TTLL11: variants seen among roughly 807,000 people sequenced by gnomAD.
TTLL11 encodes the protein tubulin tyrosine ligase like 11.
A neutral mutation model predicts 51.7 loss-of-function variants in TTLL11; 42 were observed. The ratio of observed to expected loss-of-function variants is 0.81; its 90% CI spans 0.64 to 1.05. TTLL11 has a LOEUF of 1.05. TTLL11 is among the 50% of genes least tolerant of loss of function. TTLL11 has a pLI of 0.00. For missense variants in TTLL11, 799 were observed against 940.4 expected, an observed-to-expected ratio of 0.85 and a Z score of 1.97; for synonymous variants, 381 against 383.5, an observed-to-expected ratio of 0.99 and a Z score of 0.08.
At chr9:121,932,694 T>G (rs1226051313) in intron 6 of TTLL11, among the ~76,000 whole-genome samples, 1 of 152,000 alleles carries the variant, frequency 6.6e-6, no homozygotes, top group Non-Finnish European at 1.5e-5. Flanking sequence ...ATAACCCACT[T>G]TTTTTTCAAA....
At chr9:121,928,306 A>T (rs1840821666) in intron 6 of TTLL11, among the ~76,000 whole-genome samples, 1 of 152,198 alleles carries the variant, frequency 6.6e-6, no homozygotes, top group African/African-American at 2.4e-5. Flanking sequence ...AACTGCACCT[A>T]TTTAGTGTAT....
intron 1 of TTLL11, among the ~76,000 whole-genome samples, chr9:122,081,315 A>C (rs948710342): frequency 6.6e-6 from 1 of 152,216 alleles, no homozygotes; most frequent in Non-Finnish European, 1.5e-5. Context: ...AACACCTCTG[A>C]AGAGTGGAAG....
intron 6 of TTLL11, among the ~76,000 whole-genome samples, chr9:121,900,662 C>G (rs533933964): frequency 4.7e-4 from 72 of 152,254 alleles, no homozygotes; most frequent in African/African-American, 1.7e-3. Context: ...TAAAATTCTT[C>G]CATTGTGTTT....
intron 8 of TTLL11, among the ~76,000 whole-genome samples, chr9:121,856,749 G>T (rs980329460): frequency 1.3e-5 from 2 of 152,122 alleles, no homozygotes; most frequent in Admixed American, 1.3e-4. Flanking sequence ...TGTGGGATGG[G>T]GAAAGCCGTC....
At chr9:121,934,732 C>T (rs1435848929) in intron 6 of TTLL11, among the ~76,000 whole-genome samples, 4 of 152,110 alleles carry the variant, frequency 2.6e-5, no homozygotes, top group African/African-American at 9.7e-5. Context: ...TACTGCGCTT[C>T]GGTGGGCAGC....
At position 122,026,611 on chromosome 9, in the gene TTLL11, C is replaced by T. The variant is rs191189485; in HGVS notation, c.693+5112G>A. 2.6e-5 allele frequency among the ~76,000 whole-genome samples: 4 copies of T among 152,018 alleles called. No homozygotes were observed. The East Asian group carries it at 5.8e-4, about 22-fold the overall frequency. ...TAAATATCTGTAGTTTATTCTATGT[C>T]GATTATATCTCAATAAAGCTGTCTG... On this transcript the variant is annotated intron_variant, in intron 3 of 8. Coordinates refer to ENST00000321582, the MANE Select transcript of TTLL11 (RefSeq NM_001139442.2).
intron 6 of TTLL11, among the ~76,000 whole-genome samples, chr9:121,970,948 G>C (rs112510773): frequency 0.33 from 49,039 of 149,646 alleles, 8,403 homozygotes; most frequent in African/African-American, 0.38. Flanking sequence ...TGGAACCAAA[G>C]CAAATGCCCA....
At chr9:121,932,248 C>T (rs1227307384) in intron 6 of TTLL11, among the ~76,000 whole-genome samples, 1 of 152,226 alleles carries the variant, frequency 6.6e-6, no homozygotes, top group East Asian at 1.9e-4. Flanking sequence ...CACACACATA[C>T]ATGTATACTA....
intron 1 of TTLL11, among the ~76,000 whole-genome samples, chr9:122,075,382 A>G (rs1845836101): frequency 1.3e-5 from 2 of 152,232 alleles, no homozygotes; most frequent in South Asian, 4.1e-4. Context: ...TCCAGGCCTC[A>G]ATATATATGC....
Position 121,993,519 on chromosome 9 carries a change from C to T in TTLL11, c.694-3749G>A, listed in dbSNP as rs146371225. ...GACTAAGGTCCCTGGCTTCCGCCAG[C>T]GAGCAAATGCTGAACCATGATTTAT... On this transcript the variant is annotated intron_variant, in intron 3 of 8. Transcript: ENST00000321582. Among the ~76,000 whole-genome samples the T allele has an allele frequency of 3.1e-3, 479 of 152,304 alleles. 3 individuals carry two copies. Among genetic ancestry groups the T allele is most frequent in the African/African-American group, 0.011 (462 of 41,562 alleles).
intron 4 of TTLL11, among the ~76,000 whole-genome samples, chr9:121,979,807 C>T (rs1465991209): frequency 1.3e-5 from 2 of 152,106 alleles, no homozygotes; most frequent in Non-Finnish European, 2.9e-5. Context: ...CTACAAATTG[C>T]TCTATGGCCT....
At chr9:121,999,097 T>C (rs72765963) in intron 3 of TTLL11, among the ~76,000 whole-genome samples, 5 of 152,174 alleles carry the variant, frequency 3.3e-5, no homozygotes, top group Admixed American at 2.6e-4. Context: ...TCCCCAGCTA[T>C]CACTGGAAGA....
At chr9:121,879,675 TGAA>T (rs1318335116) in intron 6 of TTLL11, among the ~76,000 whole-genome samples, 2 of 151,350 alleles carry the variant, frequency 1.3e-5, no homozygotes, top group African/African-American at 4.9e-5. Context: ...TAAAAAAGAG[TGAA>T]GAAGAAGGGA....
chr9:121,843,448 T>C (rs934310331), intron 8 of TTLL11, among the ~76,000 whole-genome samples: 8 of 151,926 alleles, frequency 5.3e-5, no homozygotes, highest in South Asian at 4.2e-4. Context: ...AACCTTTAAC[T>C]AGGTTGAGTT....
rs1836612776 is a variant in TTLL11 at position 121,822,583 on chromosome 9, G to A, written c.*4C>T. On this transcript the variant is annotated 3_prime_UTR_variant, in exon 9 of 9. Coordinates refer to ENST00000321582, the MANE Select transcript of TTLL11 (RefSeq NM_001139442.2). This position sits in a 1 kb window ranked among gnomAD's most constrained non-coding sequence, Gnocchi z 5.8. The stretch of plus-strand genomic sequence containing the variant: ...TTCCGTTTTCCAGGAGGACAGAGTG[G>A]CCCTCAGGACAGGGTATGTCTGGGA... 1 of 1,438,750 alleles carries A rather than the reference G, an allele frequency of 7.0e-7. No individual in the cohort carries two copies. The highest frequency in any genetic ancestry group is 9.1e-7 in the Non-Finnish European group (1 of 1,093,272). The allele number at this position is 1,438,750 out of a possible 1,614,324, so 89.1% of individuals were successfully genotyped here. A position where few individuals can be genotyped will look rare whatever the true frequency, so the allele number is the denominator to read the frequency against.
At chr9:121,855,262 G>T (rs376187644) in intron 8 of TTLL11, among the ~76,000 whole-genome samples, 11 of 152,328 alleles carry the variant, frequency 7.2e-5, no homozygotes, top group African/African-American at 2.6e-4. Flanking sequence ...CCAGGGTGAT[G>T]GGTGATGGCT....
chr9:121,830,735 G>C (rs1260005900), intron 8 of TTLL11, among the ~76,000 whole-genome samples: 1 of 152,166 alleles, frequency 6.6e-6, no homozygotes, highest in Non-Finnish European at 1.5e-5. Flanking sequence ...CATCTCCTAG[G>C]CCCTGCCCTT....
chr9:121,956,668 G>A (rs1842028324), intron 6 of TTLL11, among the ~76,000 whole-genome samples: 1 of 151,678 alleles, frequency 6.6e-6, no homozygotes, highest in Non-Finnish European at 1.5e-5. Context: ...GGTGGCCCGG[G>A]ACAGACACAA....
intron 3 of TTLL11, among the ~76,000 whole-genome samples, chr9:122,030,398 TTG>T (rs978403405): frequency 6.6e-6 from 1 of 152,162 alleles, no homozygotes; most frequent in African/African-American, 2.4e-5. Context: ...CAAGCTGTTT[TTG>T]TGTTTAGTAA....
Sources: gnomAD v4.1 joint callset for allele counts (sites outside exome capture counted in the v4.1 genomes callset) on GRCh38, gnomAD v4.1.1 for gene constraint, Gnocchi (gnomAD v3.1) non-coding constraint, MANE v1.5 for transcripts, NCBI Gene and HGNC (gene_info 2026-07-23, HGNC 2026-07-21) for gene names.